GULP1: variants seen among roughly 807,000 people sequenced by gnomAD.
GULP1 encodes PTB domain-containing engulfment adapter protein 1.
GULP1 carries 19 observed loss-of-function variants against 40.9 expected under a neutral mutation model. That is an observed-to-expected ratio of 0.46 (90% CI 0.32 to 0.68). GULP1 has a LOEUF of 0.68. Ranked by LOEUF, GULP1 falls within the 30% of genes least tolerant of loss-of-function variation. GULP1 has a pLI of 0.03. For missense variants in GULP1, 312 were observed against 362.2 expected, an observed-to-expected ratio of 0.86 and a Z score of 1.12; for synonymous variants, 119 against 117.6, an observed-to-expected ratio of 1.01 and a Z score of -0.08.
At chr2:188,463,311 C>T (rs552786452) in intron 2 of GULP1, among the ~76,000 whole-genome samples, 21 of 152,220 alleles carry the variant, frequency 1.4e-4, no homozygotes, top group African/African-American at 4.8e-4. Flanking sequence ...ATATTTTTGC[C>T]TTCAGCACTT....
chr2:188,533,175 C>T (rs1688014295), intron 6 of GULP1, among the ~76,000 whole-genome samples: 1 of 151,876 alleles, frequency 6.6e-6, no homozygotes, highest in African/African-American at 2.4e-5. Flanking sequence ...TTTGTAAATA[C>T]AAAGACAGAA....
intron 2 of GULP1, among the ~76,000 whole-genome samples, chr2:188,403,801 A>G (rs2052656728): frequency 6.6e-6 from 1 of 152,186 alleles, no homozygotes; most frequent in Non-Finnish European, 1.5e-5. Flanking sequence ...ACTCATTGCT[A>G]AGTTGGGACA....
intron 2 of GULP1, among the ~76,000 whole-genome samples, chr2:188,446,634 A>G (rs973004677): frequency 2.6e-5 from 4 of 152,104 alleles, no homozygotes; most frequent in Non-Finnish European, 4.4e-5. Context: ...TCTGGTTTAA[A>G]TTTCTTCAGT....
At chr2:188,496,543 A>G (rs1177766070) in intron 4 of GULP1, among the ~76,000 whole-genome samples, 2 of 152,046 alleles carry the variant, frequency 1.3e-5, no homozygotes, top group Admixed American at 1.3e-4. Flanking sequence ...GCCAGAAGAA[A>G]CATGTCAATA....
chr2:188,481,873 CT>C (rs2061470987), intron 3 of GULP1, among the ~76,000 whole-genome samples: 1 of 151,894 alleles, frequency 6.6e-6, no homozygotes, highest in Non-Finnish European at 1.5e-5. Flanking sequence ...TGATTTACTT[CT>C]TTTAATGTAT....
intron 1 of GULP1, among the ~76,000 whole-genome samples, chr2:188,373,447 T>C (rs750643223): frequency 3.9e-5 from 6 of 152,000 alleles, no homozygotes; most frequent in Non-Finnish European, 7.4e-5. Context: ...AATACTGAAA[T>C]TGTAGACCCA....
chr2:188,516,863 C>T (rs1039145914), intron 4 of GULP1, among the ~76,000 whole-genome samples: 17 of 152,262 alleles, frequency 1.1e-4, no homozygotes, highest in African/African-American at 3.4e-4. Flanking sequence ...TGTTTCCTTT[C>T]CTTGGCCTGC....
At chr2:188,351,504 T>C (rs1204742650) in intron 1 of GULP1, among the ~76,000 whole-genome samples, 1 of 152,144 alleles carries the variant, frequency 6.6e-6, no homozygotes, top group East Asian at 1.9e-4. Context: ...CAACTCATGT[T>C]CCTAAGTAGG....
In GULP1 at chr2:188,392,158, T is replaced by C. The variant is rs373435087; in HGVS notation, c.-45+8269T>C. Among the ~76,000 whole-genome samples the C allele has an allele frequency of 2.6e-4, 40 of 152,196 alleles. 1 individual carries two copies. In the South Asian group the frequency reaches 7.7e-3, roughly 29 times the overall value. The stretch of plus-strand genomic sequence containing the variant: ...TTAGGGAGGATTACCTCTTTCTCAA[T>C]CTTTTCACTAAGATTGGTATCAATT... On this transcript the variant is annotated intron_variant, in intron 2 of 11. Coordinates refer to ENST00000409830, the MANE Select transcript of GULP1 (RefSeq NM_016315.4).
intron 2 of GULP1, among the ~76,000 whole-genome samples, chr2:188,461,843 GGT>G (rs1296570280): frequency 6.6e-6 from 1 of 151,594 alleles, no homozygotes; most frequent in African/African-American, 2.4e-5. Context: ...TCTTAGTCTG[GGT>G]GAAGGTTTGT....
intron 4 of GULP1, among the ~76,000 whole-genome samples, chr2:188,519,068 G>T (rs551794664): frequency 6.6e-6 from 1 of 152,182 alleles, no homozygotes; most frequent in Non-Finnish European, 1.5e-5. Context: ...AATACAGGAA[G>T]TATAAGGCAT....
At chr2:188,537,150 T>C (rs1270277758) in intron 6 of GULP1, among the ~76,000 whole-genome samples, 2 of 152,038 alleles carry the variant, frequency 1.3e-5, no homozygotes, top group African/African-American at 2.4e-5. Flanking sequence ...GTTTGACTTA[T>C]TATTTTTTTA....
chr2:188,508,689 T>C (rs1473690364), intron 4 of GULP1, among the ~76,000 whole-genome samples: 1 of 151,960 alleles, frequency 6.6e-6, no homozygotes, highest in Non-Finnish European at 1.5e-5. Flanking sequence ...AACAGAATTA[T>C]ATTGACTCTA....
At chr2:188,357,243 A>G (rs1318661953) in intron 1 of GULP1, among the ~76,000 whole-genome samples, 1 of 152,198 alleles carries the variant, frequency 6.6e-6, no homozygotes, top group Admixed American at 6.5e-5. Context: ...TGTACAGCAA[A>G]GGAAACCATC....
chr2:188,348,548 T>TAA (rs2044011111), intron 1 of GULP1, among the ~76,000 whole-genome samples: 1 of 152,200 alleles, frequency 6.6e-6, no homozygotes, highest in Non-Finnish European at 1.5e-5. Context: ...AAGGAGGAAG[T>TAA]GTTAGATAAA....
chr2:188,335,273 CT>C (rs2042115440), intron 1 of GULP1, among the ~76,000 whole-genome samples: 1 of 152,052 alleles, frequency 6.6e-6, no homozygotes, highest in Non-Finnish European at 1.5e-5. Context: ...GGGGAAGAGA[CT>C]TTTTTGATTA....
At chr2:188,510,092 A>G (rs907529071) in intron 4 of GULP1, among the ~76,000 whole-genome samples, 2 of 152,112 alleles carry the variant, frequency 1.3e-5, no homozygotes, top group Non-Finnish European at 2.9e-5. Flanking sequence ...CTTCTCTCCA[A>G]AAGGGAAAAT....
At chr2:188,539,911 C>G (rs1457810057) in intron 6 of GULP1, among the ~76,000 whole-genome samples, 1 of 152,048 alleles carries the variant, frequency 6.6e-6, no homozygotes, top group Non-Finnish European at 1.5e-5. Context: ...GATTTTGATT[C>G]AACTGAGGTA....
At chr2:188,485,834 A>G (rs915888114) in intron 4 of GULP1, among the ~76,000 whole-genome samples, 1 of 151,960 alleles carries the variant, frequency 6.6e-6, no homozygotes, top group Admixed American at 6.6e-5. Flanking sequence ...TTCTCAGGCA[A>G]CCATCAGTTC....
Sources: allele counts gnomAD v4.1 joint callset (sites outside exome capture counted in the v4.1 genomes callset), GRCh38; gene constraint gnomAD v4.1.1; transcripts MANE v1.5; gene names NCBI Gene and HGNC (gene_info 2026-07-23, HGNC 2026-07-21).